The following ADGRB3 variants were observed in gnomAD, a reference collection of about 807,000 sequenced individuals.
ADGRB3 encodes adhesion G protein-coupled receptor B3.
In ADGRB3, 37 loss-of-function variants were observed where a neutral mutation model predicts 193.4. The ratio of observed to expected loss-of-function variants is 0.19; its 90% CI spans 0.15 to 0.25. ADGRB3 has a LOEUF of 0.25. Among genes scored for constraint, ADGRB3 ranks in the 10% least tolerant of loss-of-function variants. The pLI is 1.00. For missense variants in ADGRB3, 1,637 were observed against 1,852.9 expected, an observed-to-expected ratio of 0.88 and a Z score of 2.14; for synonymous variants, 690 against 644.2, an observed-to-expected ratio of 1.07 and a Z score of -1.08.
At chr6:68,882,266 C>G (rs895422886) in intron 3 of ADGRB3, among the ~76,000 whole-genome samples, 8 of 152,106 alleles carry the variant, frequency 5.3e-5, no homozygotes, top group African/African-American at 7.2e-5. Flanking sequence ...CAAGGTATTT[C>G]AAAAACATAC....
intron 8 of ADGRB3, among the ~76,000 whole-genome samples, chr6:68,971,823 G>A (rs184870750): frequency 6.6e-6 from 1 of 152,210 alleles, no homozygotes; most frequent in East Asian, 1.9e-4. Context: ...CCCTTCATTG[G>A]CATTAATCTG....
intron 3 of ADGRB3, among the ~76,000 whole-genome samples, chr6:68,669,280 A>G (rs186635006): frequency 6.6e-6 from 1 of 151,988 alleles, no homozygotes; most frequent in Non-Finnish European, 1.5e-5. Context: ...ATTATTGACT[A>G]CAATTACCCT....
chr6:69,065,432 A>G (rs1198172323), intron 16 of ADGRB3, among the ~76,000 whole-genome samples: 6 of 152,086 alleles, frequency 3.9e-5, no homozygotes, highest in African/African-American at 1.4e-4. Flanking sequence ...TCTGTACAAT[A>G]TATACAGCCC....
chr6:69,013,994 T>G, intron 11 of ADGRB3, 44 bp from the exon 12 acceptor site: 8 of 1,341,862 alleles, frequency 6.0e-6, no homozygotes, highest in Non-Finnish European at 8.3e-6. Context: ...AAAAGTATAA[T>G]TCTCTCATGT....
At chr6:69,243,075 A>G (rs1458447928) in intron 20 of ADGRB3, among the ~76,000 whole-genome samples, 1 of 151,944 alleles carries the variant, frequency 6.6e-6, no homozygotes, top group Non-Finnish European at 1.5e-5. Flanking sequence ...CATATTGAAG[A>G]TTTCATAGCA....
chr6:68,926,071 T>C (rs1472254885), intron 3 of ADGRB3, among the ~76,000 whole-genome samples: 2 of 152,068 alleles, frequency 1.3e-5, no homozygotes, highest in Non-Finnish European at 2.9e-5. Flanking sequence ...TTTGTTTTTC[T>C]CCCCATTGAA....
chr6:69,201,441 T>TA (rs1292603776), intron 17 of ADGRB3, among the ~76,000 whole-genome samples: 2 of 152,042 alleles, frequency 1.3e-5, no homozygotes, highest in East Asian at 1.9e-4. Flanking sequence ...AACTTTTTTT[T>TA]ATCTCTCCCT....
intron 16 of ADGRB3, among the ~76,000 whole-genome samples, chr6:69,063,294 T>A (rs2150308126): frequency 6.6e-6 from 1 of 152,168 alleles, no homozygotes; most frequent in Non-Finnish European, 1.5e-5. Context: ...TTTTTCATGA[T>A]AAAATTCTCT....
intron 3 of ADGRB3, among the ~76,000 whole-genome samples, chr6:68,684,103 G>T (rs144209309): frequency 6.6e-6 from 1 of 152,078 alleles, no homozygotes; most frequent in Non-Finnish European, 1.5e-5. Context: ...CAACAGACAC[G>T]GTATAAATCT....
intron 3 of ADGRB3, among the ~76,000 whole-genome samples, chr6:68,695,249 T>C (rs2127304930): frequency 6.6e-6 from 1 of 152,154 alleles, no homozygotes; most frequent in East Asian, 1.9e-4. Context: ...AAAATGGCTA[T>C]AATTGAAAAA....
Position 69,110,458 on chromosome 6 carries a change from C to G in ADGRB3, c.2480+34420C>G, listed in dbSNP as rs184873628. On this transcript the variant is annotated intron_variant, in intron 17 of 31. Coordinates refer to ENST00000370598, the MANE Select transcript of ADGRB3 (RefSeq NM_001704.3). ...CCACAATAAGTTAATTAGGAAACTG[C>G]TACAGAAAAACAGAACTTACTATAA... is the stretch of plus-strand genomic sequence containing the variant. Among the ~76,000 whole-genome samples the G allele has an allele frequency of 3.7e-3, 566 of 152,212 alleles. 2 individuals carry two copies. Among genetic ancestry groups the G allele is most frequent in the Admixed American group, 7.9e-3 (120 of 15,282 alleles).
rs1767935337 is a variant in ADGRB3, at chr6:68,635,846, A to G, written c.-342A>G. On this transcript the variant is annotated 5_prime_UTR_variant, in exon 1 of 32. Coordinates refer to ENST00000370598, the MANE Select transcript of ADGRB3 (RefSeq NM_001704.3). ...CACCTTTTGCTTTTCGTATGTATGC[A>G]TTTTTAAAAATAAATCCTGATTTTG... The G allele has an allele frequency of 6.6e-6, 1 of 151,764 alleles. No homozygotes were observed. The highest frequency in any genetic ancestry group is 6.6e-5 in the Admixed American group (1 of 15,140). 9.4% of individuals were successfully genotyped at this position (151,764 alleles called of 1,614,324 possible).
At chr6:68,701,955 G>C (rs1013309096) in intron 3 of ADGRB3, among the ~76,000 whole-genome samples, 1 of 152,020 alleles carries the variant, frequency 6.6e-6, no homozygotes, top group Non-Finnish European at 1.5e-5. Context: ...TTCAAGCTAC[G>C]GGATACAGGA....
chr6:69,013,106 C>T (rs1769983796), intron 11 of ADGRB3, among the ~76,000 whole-genome samples: 1 of 152,078 alleles, frequency 6.6e-6, no homozygotes, highest in Admixed American at 6.6e-5. Context: ...TTCAAAGGCA[C>T]GCTGGTTGTT....
At chr6:68,719,967 A>C (rs988047208) in intron 3 of ADGRB3, among the ~76,000 whole-genome samples, 1 of 151,698 alleles carries the variant, frequency 6.6e-6, no homozygotes, top group Non-Finnish European at 1.5e-5. Flanking sequence ...GTAGTGATGA[A>C]AAGGAGGGCT....
chr6:68,804,633 C>A (rs1268160156), intron 3 of ADGRB3, among the ~76,000 whole-genome samples: 1 of 151,972 alleles, frequency 6.6e-6, no homozygotes, highest in African/African-American at 2.4e-5. Flanking sequence ...TGTAATATTT[C>A]TCTATCATGT....
chr6:68,901,130 A>G (rs919780769), intron 3 of ADGRB3, among the ~76,000 whole-genome samples: 6 of 152,138 alleles, frequency 3.9e-5, no homozygotes, highest in Non-Finnish European at 8.8e-5. Context: ...CTCAGTTTCT[A>G]TAAGCCAAAA....
At chr6:68,784,906 G>A (rs570481226) in intron 3 of ADGRB3, among the ~76,000 whole-genome samples, 1 of 152,004 alleles carries the variant, frequency 6.6e-6, no homozygotes, top group African/African-American at 2.4e-5. Context: ...GAGTTTAGTA[G>A]TGTTCATTTT....
chr6:68,997,191 G>T (rs940892796), intron 11 of ADGRB3, among the ~76,000 whole-genome samples: 3 of 152,054 alleles, frequency 2.0e-5, no homozygotes, highest in Non-Finnish European at 4.4e-5. Flanking sequence ...GAAAAGTTTG[G>T]ATATCTGGTT....
Sources: gnomAD v4.1 joint callset for allele counts (sites outside exome capture counted in the v4.1 genomes callset) on GRCh38, gnomAD v4.1.1 for gene constraint, MANE v1.5 for transcripts, NCBI Gene and HGNC (gene_info 2026-07-23, HGNC 2026-07-21) for gene names.